LEKR1: variants seen among roughly 807,000 people sequenced by gnomAD.
LEKR1 encodes the protein leucine, glutamate and lysine rich 1.
LEKR1 carries 59 observed loss-of-function variants against 72.4 expected under a neutral mutation model. The ratio of observed to expected loss-of-function variants is 0.82; its 90% CI spans 0.66 to 1.01. LEKR1 has a LOEUF of 1.01. Ranked by LOEUF, LEKR1 falls within the 50% of genes least tolerant of loss-of-function variation. The pLI, the probability that LEKR1 is intolerant of heterozygous loss-of-function variation, is 0.00. For synonymous variants in LEKR1, 257 were observed against 263.2 expected, an observed-to-expected ratio of 0.98 and a Z score of 0.23; for missense variants, 728 against 759.2, an observed-to-expected ratio of 0.96 and a Z score of 0.48.
chr3:157,015,295 G>A (rs150848137), intron 10 of LEKR1, among the ~76,000 whole-genome samples: 28 of 152,238 alleles, frequency 1.8e-4, no homozygotes, highest in Admixed American at 7.9e-4. Flanking sequence ...CAAAAAGTCC[G>A]CCTTGCATAT....
intron 3 of LEKR1, among the ~76,000 whole-genome samples, 156 bp from the exon 4 acceptor site, chr3:156,920,419 G>T (rs1724082733): frequency 6.6e-6 from 1 of 151,878 alleles, no homozygotes; most frequent in South Asian, 2.1e-4. Flanking sequence ...CCCAAGATTT[G>T]GTCTCTCCAT....
At chr3:156,967,452 C>T (rs2107988927) in intron 6 of LEKR1, among the ~76,000 whole-genome samples, 1 of 152,276 alleles carries the variant, frequency 6.6e-6, no homozygotes, top group East Asian at 1.9e-4. Flanking sequence ...AGCTGAAAAT[C>T]AAGGCACGAG....
intron 12 of LEKR1, among the ~76,000 whole-genome samples, chr3:157,042,528 C>T (rs1012459511): frequency 6.6e-6 from 1 of 152,172 alleles, no homozygotes; most frequent in Non-Finnish European, 1.5e-5. Context: ...GCTATGAGGA[C>T]ATCTTTTGGC....
chr3:156,990,257 G>A (rs1731047640), intron 7 of LEKR1, among the ~76,000 whole-genome samples: 1 of 152,076 alleles, frequency 6.6e-6, no homozygotes. Context: ...CACATAGGGG[G>A]TGATGTGTCC....
intron 7 of LEKR1, among the ~76,000 whole-genome samples, chr3:156,982,381 A>C (rs923324919): frequency 6.6e-6 from 1 of 151,972 alleles, no homozygotes; most frequent in Non-Finnish European, 1.5e-5. Flanking sequence ...GCAGGAAGGG[A>C]TGGTTTTCTA....
intron 7 of LEKR1, among the ~76,000 whole-genome samples, chr3:156,990,380 T>G (rs998337447): frequency 6.6e-6 from 1 of 152,138 alleles, no homozygotes; most frequent in Admixed American, 6.6e-5. Flanking sequence ...TACTGGGGGG[T>G]TTGTTCTCTT....
rs190026184 is a variant in LEKR1, at chr3:156,885,108, G to A, written c.263+32126G>A. On this transcript the variant is annotated intron_variant, in intron 3 of 12. Coordinates refer to ENST00000356539, the MANE Select transcript of LEKR1 (RefSeq NM_001004316.3). ...ACAGGGCATTTTGTATTTCCCTAAG[G>A]TATCTTTCATTTCCAGAAGTTGTGA... 4.6e-5 allele frequency among the ~76,000 whole-genome samples: 7 copies of A among 152,112 alleles called. No individual in the cohort carries two copies. In the East Asian group the frequency reaches 1.4e-3, roughly 29 times the overall value.
chr3:156,954,573 C>A (rs193150456), intron 6 of LEKR1, among the ~76,000 whole-genome samples: 157 of 151,930 alleles, frequency 1.0e-3, no homozygotes, highest in South Asian at 1.7e-3. Context: ...GTTTTCCACA[C>A]ATGGCTAGCC....
At chr3:157,010,307 A>G (rs1179721269) in intron 9 of LEKR1, among the ~76,000 whole-genome samples, 4 of 152,108 alleles carry the variant, frequency 2.6e-5, no homozygotes, top group Non-Finnish European at 4.4e-5. Context: ...AGTAGACTAT[A>G]TAGAACTCAC....
intron 5 of LEKR1, among the ~76,000 whole-genome samples, chr3:156,939,830 A>G (rs905950888): frequency 4.6e-5 from 7 of 152,182 alleles, no homozygotes; most frequent in Admixed American, 1.3e-4. Flanking sequence ...TCCACTCCCA[A>G]CACAACTGTT....
chr3:156,978,390 AT>A (rs1379187516), intron 6 of LEKR1, among the ~76,000 whole-genome samples: 4 of 152,020 alleles, frequency 2.6e-5, no homozygotes, highest in Non-Finnish European at 2.9e-5. Context: ...TGTTTTGAAC[AT>A]TTTTTTTCTG....
intron 9 of LEKR1, among the ~76,000 whole-genome samples, chr3:157,008,904 C>T (rs904346515): frequency 6.6e-6 from 1 of 152,096 alleles, no homozygotes; most frequent in African/African-American, 2.4e-5. Flanking sequence ...AGGTATACCA[C>T]AATTTATCTG....
At chr3:156,830,779 G>A (rs1712279492) in intron 2 of LEKR1, among the ~76,000 whole-genome samples, 1 of 152,120 alleles carries the variant, frequency 6.6e-6, no homozygotes, top group Non-Finnish European at 1.5e-5. Context: ...AAGATCTAAA[G>A]CTGGATAATT....
chr3:156,948,063 A>C (rs974151082), intron 6 of LEKR1, among the ~76,000 whole-genome samples: 1 of 151,212 alleles, frequency 6.6e-6, no homozygotes, highest in African/African-American at 2.4e-5. Flanking sequence ...TCTAATTTGA[A>C]TTGCATTATA....
At chr3:157,029,326 A>C (rs1297406118) in intron 12 of LEKR1, among the ~76,000 whole-genome samples, 1 of 152,152 alleles carries the variant, frequency 6.6e-6, no homozygotes, top group Non-Finnish European at 1.5e-5. Flanking sequence ...TGGAGTAGAT[A>C]GAATACTAGA....
intron 3 of LEKR1, among the ~76,000 whole-genome samples, chr3:156,905,697 A>G (rs565897428): frequency 2.6e-5 from 4 of 152,250 alleles, no homozygotes; most frequent in African/African-American, 9.6e-5. Context: ...ATCTATCAAT[A>G]ATAGTTGGAT....
At chr3:156,858,960 G>A (rs965397084) in intron 3 of LEKR1, among the ~76,000 whole-genome samples, 1 of 152,158 alleles carries the variant, frequency 6.6e-6, no homozygotes, top group East Asian at 1.9e-4. Flanking sequence ...AAATGGATAG[G>A]TTGTTTTTTG....
chr3:156,883,971 A>G (rs1234229102), intron 3 of LEKR1, among the ~76,000 whole-genome samples: 7 of 152,170 alleles, frequency 4.6e-5, no homozygotes, highest in African/African-American at 1.7e-4. Flanking sequence ...TGTTAGGTAC[A>G]TATATATTTA....
chr3:157,015,499 T>C (rs1301969443), intron 10 of LEKR1, among the ~76,000 whole-genome samples: 1 of 152,150 alleles, frequency 6.6e-6, no homozygotes, highest in Non-Finnish European at 1.5e-5. Flanking sequence ...TACTTAGCCC[T>C]AGATGAAATG....
Sources: allele counts gnomAD v4.1 joint callset (sites outside exome capture counted in the v4.1 genomes callset), GRCh38; gene constraint gnomAD v4.1.1; transcripts MANE v1.5; gene names NCBI Gene and HGNC (gene_info 2026-07-23, HGNC 2026-07-21).